The following GRIN3B variants were observed in gnomAD, a reference collection of about 807,000 sequenced individuals.
GRIN3B encodes glutamate receptor ionotropic, NMDA 3B.
Under a neutral mutation model 66.0 loss-of-function variants are expected in GRIN3B, and 77 were observed. The ratio of observed to expected loss-of-function variants is 1.17; its 90% CI spans 0.97 to 1.41. GRIN3B has a LOEUF of 1.41. Among genes scored for constraint, GRIN3B ranks in the 40% most tolerant of loss-of-function variants. The pLI is 0.00. For missense variants in GRIN3B, 1,787 were observed against 1,564.5 expected (o/e 1.14, Z -2.40); for synonymous variants, 823 against 749.7 (o/e 1.10, Z -1.60).
In GRIN3B at chr19:1,008,475, C is replaced by T. The variant is rs79195450; in HGVS notation, c.2467-143C>T. On this transcript the variant is annotated intron_variant, in intron 6 of 8. Coordinates refer to ENST00000234389, the MANE Select transcript of GRIN3B (RefSeq NM_138690.3). ...CTTCCTCCATGAAACCTCACTCCCC[C>T]CAGCCATGGAGTCCCTGCCTCCCAA... 12 of 1,082,344 alleles carry T rather than the reference C, an allele frequency of 1.1e-5. No individual in the cohort carries two copies. The East Asian group carries it at 2.8e-4, about 25-fold the overall frequency. 67.0% of individuals were successfully genotyped at this position (1,082,344 alleles called of 1,614,324 possible). A position where few individuals can be genotyped will look rare whatever the true frequency, so the allele number is the denominator to read the frequency against.
chr19:1,009,308 CGAAGCG>C lies in GRIN3B; in HGVS notation c.2841_2846del (p.Glu947_Ala948del). On this transcript the variant is annotated inframe_deletion, in exon 9 of 9. Coordinates refer to ENST00000234389, the MANE Select transcript of GRIN3B (RefSeq NM_138690.3). ...TGGAGCCCGCCGTGGTTGTGGCACC[CGAAGCG>C]GACGCGGAGGCGGAGGCTGCGCCGC... The C allele has an allele frequency of 7.1e-7, 1 of 1,407,886 alleles. No individual in the cohort carries two copies. Among genetic ancestry groups the C allele is most frequent in the South Asian group, 1.5e-5 (1 of 65,594 alleles). The allele number at this position is 1,407,886 out of a possible 1,614,324, so 87.2% of individuals were successfully genotyped here.
chr19:1,008,819 C>CG, intron 7 of GRIN3B, 37 bp downstream of exon 7: 2 of 1,591,102 alleles, frequency 1.3e-6, no homozygotes, highest in Non-Finnish European at 1.7e-6. Flanking sequence ...CCCCACCCCC[C>CG]CCGCCTCCTC....
Position 1,005,338 on chromosome 19 carries a change from G to T in GRIN3B, c.1837G>T (p.Val613Phe). 2 of 1,613,758 alleles carry T rather than the reference G, an allele frequency of 1.2e-6. No individual in the cohort carries two copies. Among genetic ancestry groups the T allele is most frequent in the Non-Finnish European group, 1.7e-6 (2 of 1,180,006 alleles). ...GCCACGTGGCCGCAACCGCAGCACC[G>T]TCTTCTCCTACTCCTCAGCCCTCAA... ...LTPRGRNRST[V>F]FSYSSALNLC... The change falls in exon 3 of 9, where the codon GTC becomes TTC. Residue 613 changes from valine to phenylalanine, a missense_variant. Physicochemically the swap from Val to Phe is conservative, Grantham distance 50. Coordinates refer to ENST00000234389, the MANE Select transcript of GRIN3B (RefSeq NM_138690.3). The surrounding 1 kb of genome is among the most constrained non-coding windows in gnomAD (Gnocchi z 5.2).
Position 1,008,676 on chromosome 19 carries a change from T to C in GRIN3B, c.2525T>C (p.Leu842Pro). ...CTCTTCGTGTTGCTGTGCCTGGGCC[T>C]GGGCAGCGCTCTGCTCAGCTCGCTG... ...AGLFVLLCLG[L>P]GSALLSSLGE... Residue 842 changes from leucine (L) to proline (P), a missense_variant, in exon 7 of 9, where the codon CTG becomes CCG. Coordinates refer to ENST00000234389, the MANE Select transcript of GRIN3B (RefSeq NM_138690.3). The C allele has an allele frequency of 1.9e-6, 3 of 1,605,870 alleles. No homozygotes were observed. The highest frequency in any genetic ancestry group is 2.5e-6 in the Non-Finnish European group (3 of 1,179,814).
rs957258547 is a variant in GRIN3B, at chr19:1,009,251, C to A, written c.2781C>A (p.Ala927=). ...AGGGCTGGAAACGGGCGCGCCGGGC[C>A]GTGGACAAGGAGCGCCGCGTGCGCT... The part of the protein sequence containing the change: ...APEGWKRARR[A]VDKERRVRFL... The change falls in exon 9 of 9, where the codon GCC becomes GCA. Residue 927 remains alanine (A), a synonymous_variant. Transcript: ENST00000234389. The A allele has an allele frequency of 1.4e-6, 2 of 1,435,822 alleles. No individual in the cohort carries two copies. Among genetic ancestry groups the A allele is most frequent in the Non-Finnish European group, 9.0e-7 (1 of 1,106,078 alleles). 88.9% of individuals were successfully genotyped at this position (1,435,822 alleles called of 1,614,324 possible). A position where few individuals can be genotyped will look rare whatever the true frequency, so the allele number is the denominator to read the frequency against.
At chr19:1,003,852 C>T (rs146191291) in intron 2 of GRIN3B, 130 bp downstream of exon 2, 6,865 of 676,034 alleles carry the variant, frequency 0.01, 59 homozygotes, top group Middle Eastern at 0.061. Flanking sequence ...TTCGGAAGGC[C>T]GAGGCGAGCG....
Position 1,005,671 on chromosome 19 carries a change from G to A in GRIN3B, c.2052+118G>A. ...GAGGACGTCCACTAGGCCAACTCTG[G>A]TCCCAAGAGACATTTATTCAATTAA... On this transcript the variant is annotated intron_variant, in intron 3 of 8. Transcript: ENST00000234389. The surrounding 1 kb of genome is among the most constrained non-coding windows in gnomAD (Gnocchi z 5.2). 1 of 735,018 alleles carries A rather than the reference G, an allele frequency of 1.4e-6. No individual in the cohort carries two copies. Among genetic ancestry groups the A allele is most frequent in the Non-Finnish European group, 2.2e-6 (1 of 459,340 alleles). 45.5% of individuals were successfully genotyped at this position (735,018 alleles called of 1,614,324 possible).
chr19:1,009,408 C>G lies in GRIN3B; in HGVS notation c.2938C>G (p.Pro980Ala). 7.0e-7 allele frequency: 1 copy of G among 1,434,074 alleles called. No homozygotes were observed. Among genetic ancestry groups the G allele is most frequent in the Non-Finnish European group, 9.1e-7 (1 of 1,099,616 alleles). The allele number at this position is 1,434,074 out of a possible 1,614,324, so 88.8% of individuals were successfully genotyped here. The change falls in exon 9 of 9, where the codon CCC becomes GCC. Residue 980 changes from proline to alanine, a missense_variant. Pro to Ala is a conservative substitution (Grantham distance 27). Coordinates refer to ENST00000234389, the MANE Select transcript of GRIN3B (RefSeq NM_138690.3). Reference protein sequence around the residue: ...PAARPTGAPQPGELQELERRI... With the variant: ...PAARPTGAPQAGELQELERRI... Reference sequence around the variant, plus strand: ...CGCAAGGCCCACGGGGGCCCCCCAGCCCGGGGAGCTGCAGGAGCTGGAGCG... The same window carrying G: ...CGCAAGGCCCACGGGGGCCCCCCAGGCCGGGGAGCTGCAGGAGCTGGAGCG...
In GRIN3B at chr19:1,009,438, A is replaced by G; in HGVS notation, c.2968A>G (p.Ile990Val). Reference sequence around the variant, plus strand: ...GGAGCTGCAGGAGCTGGAGCGCCGCATCGAAGTCGCGCGTGAGCGGCTCCG... The same window carrying G: ...GGAGCTGCAGGAGCTGGAGCGCCGCGTCGAAGTCGCGCGTGAGCGGCTCCG... ...PGELQELERR[I>V]EVARERLRQA... is the part of the protein sequence containing the mutation. The change falls in exon 9 of 9, where the codon ATC (isoleucine) becomes GTC (valine). Residue 990 changes from isoleucine (I) to valine (V), a missense_variant. Physicochemically the swap from Ile to Val is conservative, Grantham distance 29. Transcript: ENST00000234389. 1 of 1,462,166 alleles carries G rather than the reference A, an allele frequency of 6.8e-7. No homozygotes were observed. Among genetic ancestry groups the G allele is most frequent in the African/African-American group, 1.5e-5 (1 of 67,656 alleles). 90.6% of individuals were successfully genotyped at this position (1,462,166 alleles called of 1,614,324 possible).
Position 1,001,414 on chromosome 19 carries a change from C to T in GRIN3B, c.426+551C>T, listed in dbSNP as rs1399926607. ...CCCAGAGCAGCCTCCATCATTCCAA[C>T]CCCGACTCCATTCCCACCCCCCAAC... On this transcript the variant is annotated intron_variant, in intron 1 of 8. Coordinates refer to ENST00000234389, the MANE Select transcript of GRIN3B (RefSeq NM_138690.3). Among the ~76,000 whole-genome samples the T allele has an allele frequency of 3.3e-5, 5 of 152,132 alleles. No individual in the cohort carries two copies. In the East Asian group the frequency reaches 7.8e-4, roughly 24 times the overall value.
chr19:1,005,090 C>T lies in GRIN3B; in HGVS notation c.1589C>T (p.Thr530Ile), dbSNP rs1211808371. ...GCCGGCCGGGCCCACATGGCGGTCACCAGCTTCAGTATCAACTCCGCCCGC... is the reference window on the plus strand; with the variant it reads ...GCCGGCCGGGCCCACATGGCGGTCATCAGCTTCAGTATCAACTCCGCCCGC... ...LLAGRAHMAV[T>I]SFSINSARSQ... Residue 530 changes from threonine (T) to isoleucine (I), a missense_variant, in exon 3 of 9, where the codon ACC becomes ATC. Coordinates refer to ENST00000234389, the MANE Select transcript of GRIN3B (RefSeq NM_138690.3). The surrounding 1 kb of genome is among the most constrained non-coding windows in gnomAD (Gnocchi z 5.2). 2.5e-6 allele frequency: 4 copies of T among 1,612,318 alleles called. No individual in the cohort carries two copies. The highest frequency in any genetic ancestry group is 3.4e-6 in the Non-Finnish European group (4 of 1,179,500).
Position 1,000,810 on chromosome 19 carries a change from AC to A in GRIN3B, c.378del (p.Val127CysfsTer79). ...QLHFLAAATE[T>X]PVLSLLRREA... is the part of the protein sequence containing the mutation. Reference sequence around the variant, plus strand: ...GCACTTCCTGGCGGCGGCCACCGAGACCCCCGTGCTCAGCCTGCTGCGGCGG... The same window carrying A: ...GCACTTCCTGGCGGCGGCCACCGAGACCCCGTGCTCAGCCTGCTGCGGCGG... On this transcript the variant is annotated frameshift_variant, in exon 1 of 9. Coordinates refer to ENST00000234389, the MANE Select transcript of GRIN3B (RefSeq NM_138690.3). LOFTEE classifies it high-confidence loss of function. 2 of 1,443,210 alleles carry A rather than the reference AC, an allele frequency of 1.4e-6. No homozygotes were observed. The highest frequency in any genetic ancestry group is 9.0e-7 in the Non-Finnish European group (1 of 1,105,034). The allele number at this position is 1,443,210 out of a possible 1,614,324, so 89.4% of individuals were successfully genotyped here. A position where few individuals can be genotyped will look rare whatever the true frequency, so the allele number is the denominator to read the frequency against.
chr19:1,009,281 G>A lies in GRIN3B; in HGVS notation c.2811G>A (p.Leu937=), dbSNP rs928358061. 2 of 1,413,554 alleles carry A rather than the reference G, an allele frequency of 1.4e-6. No individual in the cohort carries two copies. The highest frequency in any genetic ancestry group is 3.0e-5 in the South Asian group (2 of 66,316). The allele number at this position is 1,413,554 out of a possible 1,614,324, so 87.6% of individuals were successfully genotyped here. ...ACAAGGAGCGCCGCGTGCGCTTCCT[G>A]CTGGAGCCCGCCGTGGTTGTGGCAC... ...AVDKERRVRF[L]LEPAVVVAPE... Residue 937 remains leucine, a synonymous_variant, in exon 9 of 9, where the codon CTG becomes CTA. Transcript: ENST00000234389.
Position 1,004,638 on chromosome 19 carries a change from C to A in GRIN3B, c.1137C>A (p.Gly379=). 1 of 1,601,172 alleles carries A rather than the reference C, an allele frequency of 6.2e-7. No homozygotes were observed. The highest frequency in any genetic ancestry group is 8.5e-7 in the Non-Finnish European group (1 of 1,174,360). The change falls in exon 3 of 9, where the codon GGC becomes GGA. Residue 379 remains glycine (G), a synonymous_variant. Coordinates refer to ENST00000234389, the MANE Select transcript of GRIN3B (RefSeq NM_138690.3). The part of the protein sequence containing the change: ...KVWSLRRDPR[G]APAWATVGSW... The stretch of plus-strand genomic sequence containing the variant: ...GGAGCCTTCGCCGGGACCCACGGGG[C>A]GCCCCGGCCTGGGCCACGGTGGGCA...
Position 1,003,197 on chromosome 19 carries a change from T to A in GRIN3B, c.494T>A (p.Val165Glu). The change falls in exon 2 of 9, where the codon GTG becomes GAG. Residue 165 changes from valine to glutamate, a missense_variant. Coordinates refer to ENST00000234389, the MANE Select transcript of GRIN3B (RefSeq NM_138690.3). ...LETLLDVLVA[V>E]LQAHAWEDVG... is the part of the protein sequence containing the mutation. ...ACGCTGCTGGATGTGCTGGTGGCGG[T>A]GCTGCAGGCGCACGCCTGGGAAGAC... 1 of 1,530,476 alleles carries A rather than the reference T, an allele frequency of 6.5e-7. No individual in the cohort carries two copies. Among genetic ancestry groups the A allele is most frequent in the Non-Finnish European group, 8.8e-7 (1 of 1,141,026 alleles). The allele number at this position is 1,530,476 out of a possible 1,614,324, so 94.8% of individuals were successfully genotyped here.
chr19:1,008,983 C>G, intron 8 of GRIN3B, 56 bp downstream of exon 8: 1 of 1,545,752 alleles, frequency 6.5e-7, no homozygotes, highest in Non-Finnish European at 8.7e-7. Flanking sequence ...CACCACCCCA[C>G]CAGCTCGCCC....
chr19:1,009,043 C>T (rs995601766), intron 8 of GRIN3B, 116 bp downstream of exon 8: 2 of 1,457,816 alleles, frequency 1.4e-6, no homozygotes, highest in South Asian at 1.3e-5. Context: ...CCCGCCCACC[C>T]CCGGACGTGC....
chr19:1,003,316 C>G lies in GRIN3B; in HGVS notation c.613C>G (p.Leu205Val). ...CCGGCCCCCACAGCTGGTCCTGGAC[C>G]TAAGCCGGCGGGACACGGGAGATGC... ...AGRPPQLVLD[L>V]SRRDTGDAGL... Residue 205 changes from leucine (L) to valine (V), a missense_variant, in exon 2 of 9, where the codon CTA becomes GTA. By Grantham distance (32) the Leu-to-Val change is conservative. Transcript: ENST00000234389. 6.4e-7 allele frequency: 1 copy of G among 1,574,402 alleles called. No individual in the cohort carries two copies. The highest frequency in any genetic ancestry group is 8.6e-7 in the Non-Finnish European group (1 of 1,162,568).
rs566676667 is a variant in GRIN3B, at chr19:1,009,293, C to T, written c.2823C>T (p.Ala941=). ...ERRVRFLLEP[A]VVVAPEADAE... The stretch of plus-strand genomic sequence containing the variant: ...GCGTGCGCTTCCTGCTGGAGCCCGC[C>T]GTGGTTGTGGCACCCGAAGCGGACG... The change falls in exon 9 of 9, where the codon GCC becomes GCT. Residue 941 remains alanine (A), a synonymous_variant. Transcript: ENST00000234389. 10 of 1,410,796 alleles carry T rather than the reference C, an allele frequency of 7.1e-6. No individual in the cohort carries two copies. Among genetic ancestry groups the T allele is most frequent in the Admixed American group, 3.3e-5 (1 of 29,998 alleles). The allele number at this position is 1,410,796 out of a possible 1,614,324, so 87.4% of individuals were successfully genotyped here. A position where few individuals can be genotyped will look rare whatever the true frequency, so the allele number is the denominator to read the frequency against.
Sources: gnomAD v4.1 joint callset for allele counts (sites outside exome capture counted in the v4.1 genomes callset) on GRCh38, gnomAD v4.1.1 for gene constraint, Gnocchi (gnomAD v3.1) non-coding constraint, MANE v1.5 for transcripts, NCBI Gene and HGNC (gene_info 2026-07-23, HGNC 2026-07-21) for gene names.